Variants in MACC1 observed in about 807,000 individuals in gnomAD.
MACC1 encodes metastasis-associated in colon cancer protein 1.
A neutral mutation model predicts 70.7 loss-of-function variants in MACC1; 79 were observed. The ratio of observed to expected loss-of-function variants is 1.12; its 90% CI spans 0.93 to 1.35. The LOEUF is 1.35. Ranked by LOEUF, MACC1 falls within the 40% of genes most tolerant of loss-of-function variation. MACC1 has a pLI of 0.00. For synonymous variants in MACC1, 361 were observed against 347.2 expected (o/e 1.04, Z -0.44); for missense variants, 1,106 against 978.1 (o/e 1.13, Z -1.74).
intron 1 of MACC1, among the ~76,000 whole-genome samples, chr7:20,186,374 CTAAG>C (rs928672262): frequency 1.4e-4 from 22 of 151,988 alleles, no homozygotes; most frequent in African/African-American, 5.1e-4. Flanking sequence ...CTAACTCATA[CTAAG>C]TAATTAAAAA....
At chr7:20,203,053 A>T (rs1782855792) in intron 1 of MACC1, among the ~76,000 whole-genome samples, 1 of 152,194 alleles carries the variant, frequency 6.6e-6, no homozygotes, top group Non-Finnish European at 1.5e-5. Flanking sequence ...AAATTTATTC[A>T]TTGGGGGAAA....
chr7:20,186,017 C>T lies in MACC1; in HGVS notation c.-217-15239G>A, dbSNP rs117969758. On this transcript the variant is annotated intron_variant, in intron 1 of 6. Transcript: ENST00000400331. ...ACACAAAGTCGCATATGGCGAATGT[C>T]CTTGGACCCTAATGTAGAAAGCCTT... Among the ~76,000 whole-genome samples the T allele has an allele frequency of 3.9e-3, 584 of 148,072 alleles. 9 individuals carry two copies. The highest frequency in any genetic ancestry group is 7.5e-3 in the South Asian group (34 of 4,542).
intron 1 of MACC1, among the ~76,000 whole-genome samples, chr7:20,191,743 C>G (rs1185509797): frequency 1.3e-5 from 2 of 152,144 alleles, no homozygotes; most frequent in Non-Finnish European, 2.9e-5. Flanking sequence ...CAAGATCTAA[C>G]TAAAATACGG....
At chr7:20,180,582 C>T (rs570669313) in intron 1 of MACC1, among the ~76,000 whole-genome samples, 108 of 151,082 alleles carry the variant, frequency 7.1e-4, no homozygotes, top group Middle Eastern at 3.5e-3. Flanking sequence ...GCAGTGGCCA[C>T]GCCTGTAATC....
intron 1 of MACC1, among the ~76,000 whole-genome samples, chr7:20,204,813 T>C (rs528197038): frequency 5.3e-5 from 8 of 152,348 alleles, no homozygotes; most frequent in Admixed American, 1.3e-4. Context: ...AAGATGATAC[T>C]TTATACTTGA....
chr7:20,160,468 T>C (rs1782125751), intron 4 of MACC1, among the ~76,000 whole-genome samples: 2 of 152,214 alleles, frequency 1.3e-5, no homozygotes, highest in Non-Finnish European at 2.9e-5. Context: ...TGAACATATG[T>C]AATGTTATTT....
At chr7:20,141,263 G>A (rs770782839) in intron 6 of MACC1, 105 bp from the exon 7 acceptor site, 10 of 705,530 alleles carry the variant, frequency 1.4e-5, no homozygotes, top group African/African-American at 3.6e-5. Context: ...AAGATAAAAC[G>A]GAATACCAAT....
At chr7:20,196,381 C>A (rs547775103) in intron 1 of MACC1, among the ~76,000 whole-genome samples, 3 of 151,960 alleles carry the variant, frequency 2.0e-5, no homozygotes, top group Non-Finnish European at 4.4e-5. Context: ...GGGGTTTCAC[C>A]GTGTTAGCCA....
At chr7:20,186,111 G>T (rs577406618) in intron 1 of MACC1, among the ~76,000 whole-genome samples, 1 of 152,196 alleles carries the variant, frequency 6.6e-6, no homozygotes, top group Admixed American at 6.5e-5. Flanking sequence ...TTACATTTAC[G>T]ATAGAGTTCC....
chr7:20,151,646 G>GA (rs1368124300), intron 6 of MACC1, among the ~76,000 whole-genome samples: 2 of 152,044 alleles, frequency 1.3e-5, no homozygotes, highest in Non-Finnish European at 2.9e-5. Flanking sequence ...CTTCACCTTA[G>GA]AAAAAATTAA....
At chr7:20,151,054 GAAA>G (rs58699284) in intron 6 of MACC1, among the ~76,000 whole-genome samples, 3 of 99,482 alleles carry the variant, frequency 3.0e-5, no homozygotes, top group Non-Finnish European at 2.1e-5. Context: ...TCTCAAAGGA[GAAA>G]AAAAAAAAAA....
chr7:20,190,161 A>G (rs966448402), intron 1 of MACC1, among the ~76,000 whole-genome samples: 3 of 152,220 alleles, frequency 2.0e-5, no homozygotes, highest in African/African-American at 7.2e-5. Context: ...CACAATGGAA[A>G]GCTATCCAGT....
At chr7:20,196,199 T>C (rs962456787) in intron 1 of MACC1, among the ~76,000 whole-genome samples, 2 of 152,178 alleles carry the variant, frequency 1.3e-5, no homozygotes, top group African/African-American at 4.8e-5. Context: ...TTTTATTTTT[T>C]TGAGATGGAT....
At chr7:20,195,671 GA>G (rs770684036) in intron 1 of MACC1, among the ~76,000 whole-genome samples, 36 of 152,224 alleles carry the variant, frequency 2.4e-4, no homozygotes, top group Non-Finnish European at 4.3e-4. Context: ...TTCATCAGGA[GA>G]ATGTTATTGA....
At chr7:20,186,667 A>C (rs1338208043) in intron 1 of MACC1, among the ~76,000 whole-genome samples, 2 of 151,954 alleles carry the variant, frequency 1.3e-5, no homozygotes, top group Non-Finnish European at 2.9e-5. Flanking sequence ...GTCTGTTTGA[A>C]AAAAAAAGGA....
rs1781727826 is a variant in MACC1 at position 20,136,990 on chromosome 7, T to C, written c.*3956A>G. The stretch of plus-strand genomic sequence containing the variant: ...TATAATATTAAATTATAATTAATTC[T>C]TAAAGATTAAGATTATTATTGTGAA... On this transcript the variant is annotated 3_prime_UTR_variant, in exon 7 of 7. Coordinates refer to ENST00000400331, the MANE Select transcript of MACC1 (RefSeq NM_182762.4). 1 of 149,774 alleles carries C rather than the reference T, an allele frequency of 6.7e-6. No individual in the cohort carries two copies. The highest frequency in any genetic ancestry group is 2.4e-5 in the African/African-American group (1 of 41,092). 9.3% of individuals were successfully genotyped at this position (149,774 alleles called of 1,614,324 possible). A position where few individuals can be genotyped will look rare whatever the true frequency, so the allele number is the denominator to read the frequency against.
chr7:20,208,973 G>T (rs1354195768), intron 1 of MACC1, among the ~76,000 whole-genome samples: 2 of 152,238 alleles, frequency 1.3e-5, no homozygotes, highest in Non-Finnish European at 2.9e-5. Flanking sequence ...CAAGCCCCAA[G>T]CCTTGGTGGC....
rs1170754977 is a variant in MACC1 at position 20,136,880 on chromosome 7, TATA to T, written c.*4063_*4065del. The T allele has an allele frequency of 7.8e-5, 11 of 140,898 alleles. No homozygotes were observed. Among genetic ancestry groups the T allele is most frequent in the African/African-American group, 2.5e-4 (10 of 40,580 alleles). The allele number at this position is 140,898 out of a possible 1,614,324, so 8.7% of individuals were successfully genotyped here. ...TTATTAATTCTTAAAGATTATTAATTATAATATTAAATTATATTATTAATTCTT... is the reference window on the plus strand; with the variant it reads ...TTATTAATTCTTAAAGATTATTAATTATATTAAATTATATTATTAATTCTT... On this transcript the variant is annotated 3_prime_UTR_variant, in exon 7 of 7. Coordinates refer to ENST00000400331, the MANE Select transcript of MACC1 (RefSeq NM_182762.4).
Position 20,159,124 on chromosome 7 carries a change from A to G in MACC1, c.1237T>C (p.Ser413Pro), listed in dbSNP as rs1583388066. 1 of 1,613,792 alleles carries G rather than the reference A, an allele frequency of 6.2e-7. No homozygotes were observed. The highest frequency in any genetic ancestry group is 1.1e-5 in the South Asian group (1 of 91,042). Reference sequence around the variant, plus strand: ...CCCCAGAGCTGAAACACAACTGGAGATATGTTTTTTCCACCCTTCTTAATA... The same window carrying G: ...CCCCAGAGCTGAAACACAACTGGAGGTATGTTTTTTCCACCCTTCTTAATA... Reference protein sequence around the residue: ...SDIKKGGKNISPVVFQLWGKQ... With the variant: ...SDIKKGGKNIPPVVFQLWGKQ... Residue 413 changes from serine (S) to proline (P), a missense_variant, in exon 5 of 7, where the codon TCT becomes CCT. Ser to Pro is a moderately conservative substitution (Grantham distance 74, BLOSUM62 -1). Coordinates refer to ENST00000400331, the MANE Select transcript of MACC1 (RefSeq NM_182762.4).
Sources: allele counts gnomAD v4.1 joint callset (sites outside exome capture counted in the v4.1 genomes callset), GRCh38; gene constraint gnomAD v4.1.1; transcripts MANE v1.5; gene names NCBI Gene and HGNC (gene_info 2026-07-23, HGNC 2026-07-21).